Variants in MBNL1 observed in about 807,000 individuals in gnomAD.
The protein encoded by MBNL1 is muscleblind like splicing regulator 1, also known as muscleblind-like protein 1.
A neutral mutation model predicts 42.2 loss-of-function variants in MBNL1; 8 were observed. The ratio of observed to expected loss-of-function variants is 0.19; its 90% confidence interval spans 0.11 to 0.34. The LOEUF (loss-of-function observed/expected upper bound fraction) is 0.34. Ranked by LOEUF, MBNL1 falls within the 10% of genes least tolerant of loss-of-function variation. The probability of loss-of-function intolerance (pLI) is 1.00; values close to 1 mark genes in which losing one functional copy is unlikely to be tolerated. For synonymous variants in MBNL1, 169 were observed against 173.9 expected (o/e 0.97, Z 0.22); for missense variants, 309 against 495.3 (o/e 0.62, Z 3.57).
At chr3:152,447,573 T>C in intron 5 of MBNL1, 47 bp from the exon 6 acceptor site, 3 of 1,529,790 alleles carry the variant, frequency 2.0e-6, no homozygotes, top group Non-Finnish European at 8.9e-7. Context: ...CTTTTTTCTT[T>C]TTCTCTTTTT....
chr3:152,312,896 G>A (rs1243865204), intron 2 of MBNL1, among the ~76,000 whole-genome samples: 2 of 152,070 alleles, frequency 1.3e-5, no homozygotes, highest in East Asian at 1.9e-4. Flanking sequence ...AAATACTGGC[G>A]ACAGGAATAA....
At chr3:152,274,619 GT>G (rs1297909901) in intron 1 of MBNL1, among the ~76,000 whole-genome samples, 2 of 152,094 alleles carry the variant, frequency 1.3e-5, no homozygotes, top group African/African-American at 4.8e-5. Flanking sequence ...ATATTATTCT[GT>G]TAACGCAGTA....
chr3:152,261,836 G>A (rs2036342693), intron 2 of MBNL1, among the ~76,000 whole-genome samples: 1 of 152,000 alleles, frequency 6.6e-6, no homozygotes, highest in South Asian at 2.1e-4. Flanking sequence ...CTTTTTTTCT[G>A]ACTTTCTTTC....
chr3:152,299,305 G>T lies in MBNL1; in HGVS notation c.-789-100G>T, dbSNP rs569587095. On this transcript the variant is annotated intron_variant, in intron 1 of 9. Coordinates refer to ENST00000324210, the MANE Select transcript of MBNL1 (RefSeq NM_021038.5). Reference sequence around the variant, plus strand: ...GGGAGAGAGAGAGAGAGGCTGACTTGAATATTACTTAGTCTGGTATCACAT... The same window carrying T: ...GGGAGAGAGAGAGAGAGGCTGACTTTAATATTACTTAGTCTGGTATCACAT... 11 of 167,416 alleles carry T rather than the reference G, an allele frequency of 6.6e-5. 1 individual carries two copies. The East Asian group carries it at 1.8e-3, about 27-fold the overall frequency. The allele number at this position is 167,416 out of a possible 1,614,324, so 10.4% of individuals were successfully genotyped here.
intron 1 of MBNL1, among the ~76,000 whole-genome samples, chr3:152,292,985 T>A (rs1006953627): frequency 4.6e-5 from 7 of 152,156 alleles, no homozygotes; most frequent in African/African-American, 1.7e-4. Flanking sequence ...TTCAGGCTGG[T>A]CTCGAACACC....
chr3:152,336,713 G>A (rs751299829), intron 2 of MBNL1, among the ~76,000 whole-genome samples: 7 of 152,288 alleles, frequency 4.6e-5, no homozygotes, highest in Non-Finnish European at 8.8e-5. Flanking sequence ...CCTTGCACAA[G>A]CTATTTGATA....
At chr3:152,341,388 T>C (rs2093167248) in intron 2 of MBNL1, among the ~76,000 whole-genome samples, 1 of 152,244 alleles carries the variant, frequency 6.6e-6, no homozygotes, top group African/African-American at 2.4e-5. Flanking sequence ...TTTTAAAAAA[T>C]AGTTTAAGTA....
At chr3:152,287,933 C>T (rs1458354488) in intron 1 of MBNL1, among the ~76,000 whole-genome samples, 1 of 152,162 alleles carries the variant, frequency 6.6e-6, no homozygotes, top group Non-Finnish European at 1.5e-5. Context: ...ATATTGTTTT[C>T]TATTTAGCAA....
intron 2 of MBNL1, among the ~76,000 whole-genome samples, chr3:152,402,487 T>G (rs1378693715): frequency 6.6e-6 from 1 of 152,234 alleles, no homozygotes; most frequent in Admixed American, 6.5e-5. Context: ...GAGCTGGGAC[T>G]GTATTGCTCT....
At chr3:152,268,795 C>T (rs1403242530), upstream of MBNL1, 2 of 453,290 alleles carry the variant, frequency 4.4e-6, no homozygotes, top group East Asian at 7.0e-5. Context: ...GCGTTTTTCT[C>T]GCCGCCGCGT....
intron 2 of MBNL1, among the ~76,000 whole-genome samples, chr3:152,255,284 A>T (rs955949914): frequency 2.6e-5 from 4 of 152,172 alleles, no homozygotes; most frequent in Non-Finnish European, 5.9e-5. Context: ...AAGTTGTGAT[A>T]ATAAATTTTC....
In MBNL1 at chr3:152,445,528, G is replaced by A. The variant is rs772999129; in HGVS notation, c.796G>A (p.Ala266Thr). The change falls in exon 5 of 10, where the codon GCA (alanine) becomes ACA (threonine). Residue 266 changes from alanine (A) to threonine (T), a missense_variant. By Grantham distance (58) the Ala-to-Thr change is moderately conservative (BLOSUM62 0). Transcript: ENST00000324210. ...TGCAGCTGCACAGGCTGCAGCCACC[G>A]CAGCTGCCATGGTGAGTAGAGATAT... ...QAAAAQAAAT[A>T]AAMGIPQAVL... is the part of the protein sequence containing the mutation. The A allele has an allele frequency of 3.1e-6, 5 of 1,612,772 alleles. No homozygotes were observed. The highest frequency in any genetic ancestry group is 3.4e-6 in the Non-Finnish European group (4 of 1,179,344).
At chr3:152,271,109 T>C (rs1483529474) in intron 1 of MBNL1, among the ~76,000 whole-genome samples, 1 of 152,192 alleles carries the variant, frequency 6.6e-6, no homozygotes, top group Non-Finnish European at 1.5e-5. Context: ...CTCTGCGCAG[T>C]CATGCCAAAG....
At chr3:152,349,481 CTT>C (rs764461120) in intron 2 of MBNL1, among the ~76,000 whole-genome samples, 1 of 151,928 alleles carries the variant, frequency 6.6e-6, no homozygotes, top group Non-Finnish European at 1.5e-5. Context: ...TGGAAACTGA[CTT>C]TGAACAGATT....
intron 2 of MBNL1, among the ~76,000 whole-genome samples, chr3:152,247,395 T>A (rs1468365168): frequency 6.6e-6 from 1 of 152,020 alleles, no homozygotes; most frequent in Non-Finnish European, 1.5e-5. Context: ...AAATATGAGC[T>A]ATGACAGTAC....
intron 1 of MBNL1, among the ~76,000 whole-genome samples, chr3:152,297,961 T>A (rs934557450): frequency 2.6e-5 from 4 of 152,220 alleles, no homozygotes; most frequent in Non-Finnish European, 5.9e-5. Context: ...ATTGATTTTT[T>A]AAATCTCTAT....
At chr3:152,340,594 C>T (rs748078136) in intron 2 of MBNL1, 1 of 1,613,920 alleles carries the variant, frequency 6.2e-7, no homozygotes, top group African/African-American at 1.3e-5. Flanking sequence ...ATACATACTT[C>T]CAAGTTTGGA....
chr3:152,427,890 C>T, intron 3 of MBNL1, among the ~76,000 whole-genome samples: 1 of 151,146 alleles, frequency 6.6e-6, no homozygotes, highest in East Asian at 1.9e-4. Flanking sequence ...ATATTGATTA[C>T]ATATTATTTG....
At position 152,332,515 on chromosome 3, in the gene MBNL1, A is replaced by G. The variant is rs904756708; in HGVS notation, c.174+32148A>G. Among the ~76,000 whole-genome samples, 12 of 152,300 alleles carry G rather than the reference A, an allele frequency of 7.9e-5. 1 individual carries two copies. The South Asian group carries it at 2.3e-3, about 29-fold the overall frequency. ...TAACTTTTGATTATAAAAATAATTGAAGGTAAATAAACTGTAAATGACACA... is the reference window on the plus strand; with the variant it reads ...TAACTTTTGATTATAAAAATAATTGGAGGTAAATAAACTGTAAATGACACA... On this transcript the variant is annotated intron_variant, in intron 2 of 9. Transcript: ENST00000324210.
Sources: allele counts gnomAD v4.1 joint callset (sites outside exome capture counted in the v4.1 genomes callset), GRCh38; gene constraint gnomAD v4.1.1; transcripts MANE v1.5; gene names NCBI Gene and HGNC (gene_info 2026-07-23, HGNC 2026-07-21).